The following GRM5 variants were observed in gnomAD, a reference collection of about 807,000 sequenced individuals.
GRM5 encodes the protein metabotropic glutamate receptor 5.
Under a neutral mutation model 83.1 loss-of-function variants are expected in GRM5, and 19 were observed. The observed-to-expected ratio is 0.23, with a 90% CI of 0.16 to 0.34. GRM5 has a LOEUF of 0.34. Among genes scored for constraint, GRM5 ranks in the 10% least tolerant of loss-of-function variants. GRM5 has a pLI of 1.00. For missense variants in GRM5, 1,160 were observed against 1,588.3 expected (o/e 0.73, Z 4.58); for synonymous variants, 675 against 633.6 (o/e 1.07, Z -0.98).
chr11:88,917,366 G>T (rs934872501), intron 2 of GRM5, among the ~76,000 whole-genome samples: 1 of 152,086 alleles, frequency 6.6e-6, no homozygotes, highest in African/African-American at 2.4e-5. Context: ...GCCCTATCAA[G>T]AATTATAGGT....
chr11:88,937,799 A>G (rs993989045), intron 2 of GRM5, among the ~76,000 whole-genome samples: 1 of 151,734 alleles, frequency 6.6e-6, no homozygotes, highest in African/African-American at 2.4e-5. Flanking sequence ...TGTTATATTC[A>G]CATACTAATA....
intron 1 of GRM5, among the ~76,000 whole-genome samples, chr11:89,056,874 T>A (rs2135165872): frequency 6.6e-6 from 1 of 152,266 alleles, no homozygotes; most frequent in East Asian, 1.9e-4. Context: ...GTAAATTAAT[T>A]ACTAGCACAT....
intron 3 of GRM5, among the ~76,000 whole-genome samples, chr11:88,831,777 T>C (rs1004219952): frequency 2.9e-4 from 44 of 152,196 alleles, no homozygotes; most frequent in African/African-American, 1.0e-3. Context: ...AAAGGATTGT[T>C]CTGCCACTGC....
At chr11:88,866,259 T>C (rs143331063) in intron 2 of GRM5, among the ~76,000 whole-genome samples, 2,451 of 152,086 alleles carry the variant, frequency 0.016, 64 homozygotes, top group African/African-American at 0.056. Flanking sequence ...TGCAGGCACA[T>C]GGATGAAGCT....
At chr11:88,557,586 C>T (rs1421184882) in intron 8 of GRM5, among the ~76,000 whole-genome samples, 2 of 152,058 alleles carry the variant, frequency 1.3e-5, no homozygotes, top group African/African-American at 2.4e-5. Context: ...ATAGAGGATC[C>T]TCCTCTGCCC....
At chr11:89,053,915 GC>G (rs1252798433) in intron 1 of GRM5, among the ~76,000 whole-genome samples, 30 of 152,156 alleles carry the variant, frequency 2.0e-4, no homozygotes, top group African/African-American at 7.2e-4. Flanking sequence ...CTGAGGAGTA[GC>G]AAACAGCCTC....
intron 4 of GRM5, among the ~76,000 whole-genome samples, chr11:88,643,877 A>G (rs1037425450): frequency 1.3e-5 from 2 of 152,200 alleles, no homozygotes; most frequent in Admixed American, 1.3e-4. Flanking sequence ...AGAAGACAAC[A>G]TTCTGATGCA....
At chr11:88,543,208 G>C (rs977074375) in intron 8 of GRM5, among the ~76,000 whole-genome samples, 2 of 152,204 alleles carry the variant, frequency 1.3e-5, no homozygotes, top group African/African-American at 4.8e-5. Flanking sequence ...ACAACTATTT[G>C]TTAACTGCAT....
chr11:88,804,900 A>G (rs1211394606), intron 3 of GRM5, among the ~76,000 whole-genome samples: 1 of 152,174 alleles, frequency 6.6e-6, no homozygotes, highest in African/African-American at 2.4e-5. Flanking sequence ...TAGTTACACT[A>G]AAAGCCCAGA....
intron 2 of GRM5, among the ~76,000 whole-genome samples, chr11:88,973,554 A>C (rs1472338378): frequency 6.6e-6 from 1 of 152,142 alleles, no homozygotes; most frequent in Non-Finnish European, 1.5e-5. Flanking sequence ...AAACATTGAT[A>C]ACCAACATTA....
At chr11:88,636,808 A>T (rs1466866635) in intron 4 of GRM5, among the ~76,000 whole-genome samples, 1 of 152,118 alleles carries the variant, frequency 6.6e-6, no homozygotes. Context: ...TTAAATAGGG[A>T]ATCCTTTCCC....
chr11:88,993,150 T>C (rs933565773), intron 2 of GRM5, among the ~76,000 whole-genome samples: 2 of 151,440 alleles, frequency 1.3e-5, no homozygotes, highest in East Asian at 1.9e-4. Context: ...CCTGTAGTCC[T>C]AGCTCCTCCG....
intron 8 of GRM5, among the ~76,000 whole-genome samples, chr11:88,527,166 T>C (rs1171994752): frequency 6.6e-6 from 1 of 152,222 alleles, no homozygotes; most frequent in Non-Finnish European, 1.5e-5. Flanking sequence ...TCAAGCAAAA[T>C]ACTGCTCGAC....
chr11:88,777,352 G>A (rs898047466), intron 3 of GRM5, among the ~76,000 whole-genome samples: 1 of 152,114 alleles, frequency 6.6e-6, no homozygotes, highest in Non-Finnish European at 1.5e-5. Flanking sequence ...CTTTTTTCAA[G>A]GTTTTTAGCT....
intron 2 of GRM5, among the ~76,000 whole-genome samples, chr11:88,903,214 G>A (rs1301933294): frequency 1.3e-5 from 2 of 152,052 alleles, no homozygotes; most frequent in African/African-American, 4.8e-5. Context: ...CAAGAGAAAG[G>A]ACTGATTTGG....
chr11:88,752,709 A>T (rs990897631), intron 3 of GRM5, among the ~76,000 whole-genome samples: 11 of 152,004 alleles, frequency 7.2e-5, no homozygotes, highest in African/African-American at 2.7e-4. Context: ...TCAAACTGTA[A>T]TACAAGAGTA....
intron 2 of GRM5, among the ~76,000 whole-genome samples, chr11:88,976,575 GTTA>G (rs1410504379): frequency 3.3e-5 from 5 of 151,882 alleles, no homozygotes. Context: ...AATAATTGCT[GTTA>G]TTATGTAAAT....
At position 88,885,324 on chromosome 11, in the gene GRM5, T is replaced by C. The variant is rs574951750; in HGVS notation, c.662-35169A>G. ...CACAAGTGGCAACTCAATAAAAGTA[T>C]TATGATTATTCCACTTAAATTTCAT... On this transcript the variant is annotated intron_variant, in intron 2 of 9. Transcript: ENST00000305447. Among the ~76,000 whole-genome samples, 10 of 151,984 alleles carry C rather than the reference T, an allele frequency of 6.6e-5. 1 individual carries two copies. In the South Asian group the frequency reaches 2.1e-3, roughly 32 times the overall value.
intron 2 of GRM5, among the ~76,000 whole-genome samples, chr11:88,993,148 C>T (rs902128181): frequency 3.3e-5 from 5 of 151,608 alleles, no homozygotes; most frequent in Non-Finnish European, 7.4e-5. Context: ...CGCCTGTAGT[C>T]CTAGCTCCTC....
Sources: allele counts gnomAD v4.1 joint callset (sites outside exome capture counted in the v4.1 genomes callset), GRCh38; gene constraint gnomAD v4.1.1; transcripts MANE v1.5; gene names NCBI Gene and HGNC (gene_info 2026-07-23, HGNC 2026-07-21).